GPM6B: variants seen among roughly 807,000 people sequenced by gnomAD.
GPM6B encodes glycoprotein M6B.
A neutral mutation model predicts 27.2 loss-of-function variants in GPM6B; 4 were observed. The ratio of observed to expected loss-of-function variants is 0.15; its 90% CI spans 0.07 to 0.34. GPM6B has a LOEUF of 0.34. Among genes scored for constraint, GPM6B ranks in the 10% least tolerant of loss-of-function variants. The probability of loss-of-function intolerance (pLI) is 1.00; values close to 1 mark genes in which losing one functional copy is unlikely to be tolerated. For missense variants in GPM6B, 183 were observed against 261.9 expected, an observed-to-expected ratio of 0.70 and a Z score of 2.08; for synonymous variants, 124 against 103.1, an observed-to-expected ratio of 1.20 and a Z score of -1.23.
chrX:13,818,477 C>T (rs1318101790), upstream of GPM6B, among the ~76,000 whole-genome samples: 1 of 111,995 alleles, frequency 8.9e-6, no homozygotes, highest in Non-Finnish European at 1.9e-5. Flanking sequence ...TCCCTCAAAC[C>T]TTCTTATATT....
At chrX:13,775,461 G>A (rs2048395160) in intron 7 of GPM6B, among the ~76,000 whole-genome samples, 1 of 112,155 alleles carries the variant, frequency 8.9e-6, no homozygotes. Flanking sequence ...TCACATTTTT[G>A]TGCATTTTGT....
chrX:13,824,445 G>C (rs2049347973), intron 1 of GPM6B, among the ~76,000 whole-genome samples: 1 of 111,981 alleles, frequency 8.9e-6, no homozygotes, highest in East Asian at 2.8e-4. Flanking sequence ...GTGGGCATGA[G>C]AGCTTTCAAA....
At chrX:13,860,389 T>A (rs1052769913) in intron 1 of GPM6B, among the ~76,000 whole-genome samples, 68 of 108,884 alleles carry the variant, frequency 6.2e-4, no homozygotes, top group African/African-American at 2.2e-3. Context: ...ATGGCTCCCA[T>A]GAGGAGCCCA....
intron 1 of GPM6B, among the ~76,000 whole-genome samples, chrX:13,931,953 C>T (rs777656418): frequency 8.9e-6 from 1 of 112,148 alleles, no homozygotes. Flanking sequence ...ATATAAGCCA[C>T]AAGGTTTTAC....
At chrX:13,881,358 A>T (rs780111345) in intron 1 of GPM6B, among the ~76,000 whole-genome samples, 94 of 111,622 alleles carry the variant, frequency 8.4e-4, no homozygotes, top group African/African-American at 2.3e-3. Flanking sequence ...AAATATTTTT[A>T]AAAAATAGCG....
chrX:13,860,313 C>A (rs2049828841), intron 1 of GPM6B, among the ~76,000 whole-genome samples: 1 of 111,761 alleles, frequency 8.9e-6, no homozygotes, highest in African/African-American at 3.3e-5. Flanking sequence ...TAAAATATGA[C>A]TGTCATTTAA....
chrX:13,795,909 G>A (rs2048805481), intron 2 of GPM6B, among the ~76,000 whole-genome samples: 1 of 107,856 alleles, frequency 9.3e-6, no homozygotes, highest in African/African-American at 3.4e-5. Context: ...ATGCTGCCAT[G>A]CCTGGCTTAT....
intron 1 of GPM6B, among the ~76,000 whole-genome samples, chrX:13,912,725 C>T (rs1474658159): frequency 8.9e-6 from 1 of 112,373 alleles, no homozygotes; most frequent in African/African-American, 3.2e-5. Flanking sequence ...TCCTACTTTT[C>T]CTCAGTGGAA....
intron 1 of GPM6B, among the ~76,000 whole-genome samples, chrX:13,842,568 A>C (rs1298369718): frequency 9.0e-6 from 1 of 111,007 alleles, no homozygotes. Context: ...TGATCAAAGA[A>C]CAACCATTTC....
chrX:13,780,375 A>T, intron 4 of GPM6B, among the ~76,000 whole-genome samples: 1 of 111,891 alleles, frequency 8.9e-6, no homozygotes, highest in African/African-American at 3.3e-5. Flanking sequence ...GCTACTTAAC[A>T]TGGGATAGAT....
chrX:13,798,068 C>T (rs190177137), intron 2 of GPM6B, among the ~76,000 whole-genome samples: 4 of 110,520 alleles, frequency 3.6e-5, no homozygotes, highest in Admixed American at 9.6e-5. Context: ...TGAGCACACA[C>T]GTATGTCAAG....
In GPM6B at chrX:13,807,503, T is replaced by C. The variant is rs1603028519; in HGVS notation, c.181+147A>G. The C allele has an allele frequency of 7.3e-6, 3 of 413,680 alleles. No individual in the cohort carries two copies. The East Asian group carries it at 1.1e-4, about 16-fold the overall frequency. The allele number at this position is 413,680 out of a possible 1,213,427, so 34.1% of individuals were successfully genotyped here. A position where few individuals can be genotyped will look rare whatever the true frequency, so the allele number is the denominator to read the frequency against. ...AAAAGAAAGATGATTAAAAAATGTT[T>C]ATAGGGCGAATTCCACCCATGCCCG... is the stretch of plus-strand genomic sequence containing the variant. On this transcript the variant is annotated intron_variant, in intron 2 of 7. Transcript: ENST00000316715.
At position 13,804,480 on chromosome X, in the gene GPM6B, A is replaced by C. The variant is rs187672176; in HGVS notation, c.181+3170T>G. ...ACATCATTTCATCTCCTGAAGGCAG[A>C]AAAGATGTGGACACTACATGTCCAA... On this transcript the variant is annotated intron_variant, in intron 2 of 7. Coordinates refer to ENST00000316715, the MANE Select transcript of GPM6B (RefSeq NM_001001995.3). 3.2e-3 allele frequency among the ~76,000 whole-genome samples: 354 copies of C among 110,731 alleles called. 2 individuals are homozygous for C. The highest frequency in any genetic ancestry group is 0.011 in the African/African-American group (346 of 30,343).
At chrX:13,794,728 A>G (rs2048778705) in intron 2 of GPM6B, among the ~76,000 whole-genome samples, 1 of 111,781 alleles carries the variant, frequency 8.9e-6, no homozygotes, top group Non-Finnish European at 1.9e-5. Context: ...TCCTCGATGC[A>G]ATAAAAAATT....
At chrX:13,872,163 CTTTTTT>C (rs72226692) in intron 1 of GPM6B, among the ~76,000 whole-genome samples, 4 of 25,836 alleles carry the variant, frequency 1.5e-4, no homozygotes, top group Non-Finnish European at 1.9e-4. Context: ...TGTGACATCA[CTTTTTT>C]TTTTTTTTTT....
chrX:13,895,986 CT>C (rs58403223), intron 1 of GPM6B, among the ~76,000 whole-genome samples: 1,123 of 86,937 alleles, frequency 0.013, 9 homozygotes, highest in East Asian at 0.085. Flanking sequence ...GCTAGAAAAA[CT>C]TTTTTTTTTT....
intron 1 of GPM6B, among the ~76,000 whole-genome samples, chrX:13,846,710 G>C (rs2049651589): frequency 9.3e-6 from 1 of 107,678 alleles, no homozygotes; most frequent in South Asian, 4.1e-4. Context: ...AGCCAGGATG[G>C]ACTCGATCTC....
upstream of GPM6B, chrX:13,817,301 ATCTCTC>A (rs767608717): frequency 1.8e-5 from 13 of 732,306 alleles, no homozygotes; most frequent in Middle Eastern, 7.2e-4. Context: ...CTCAATCTCG[ATCTCTC>A]TCTCTCTCTC....
intron 1 of GPM6B, among the ~76,000 whole-genome samples, chrX:13,848,584 G>A (rs2049677569): frequency 8.9e-6 from 1 of 112,097 alleles, no homozygotes; most frequent in South Asian, 3.7e-4. Context: ...AACTAGAATG[G>A]CTATAAGAAA....
Sources: allele counts gnomAD v4.1 joint callset (sites outside exome capture counted in the v4.1 genomes callset), GRCh38; gene constraint gnomAD v4.1.1; transcripts MANE v1.5; gene names NCBI Gene and HGNC (gene_info 2026-07-23, HGNC 2026-07-21).